Variants in ZFHX3 observed in about 807,000 individuals in gnomAD.
ZFHX3 encodes the protein zinc finger homeobox protein 3.
Under a neutral mutation model 279.1 loss-of-function variants are expected in ZFHX3, and 42 were observed. The ratio of observed to expected loss-of-function variants is 0.15; its 90% CI spans 0.12 to 0.19. The LOEUF is 0.19. Ranked by LOEUF, ZFHX3 falls within the 10% of genes least tolerant of loss-of-function variation. The pLI, the probability that ZFHX3 is intolerant of heterozygous loss-of-function variation, is 1.00. For synonymous variants in ZFHX3, 2,293 were observed against 1,957.8 expected, an observed-to-expected ratio of 1.17 and a Z score of -4.52; for missense variants, 4,981 against 4,754.0, an observed-to-expected ratio of 1.05 and a Z score of -1.40.
At chr16:72,992,606 C>A (rs545935097) in intron 1 of ZFHX3, among the ~76,000 whole-genome samples, 1 of 152,182 alleles carries the variant, frequency 6.6e-6, no homozygotes, top group African/African-American at 2.4e-5. Context: ...GGGGACTCAG[C>A]CACATTTCTC....
At chr16:73,226,050 A>G (rs543477278) in intron 5 of ZFHX3, among the ~76,000 whole-genome samples, 1 of 152,338 alleles carries the variant, frequency 6.6e-6, no homozygotes, top group Non-Finnish European at 1.5e-5. Flanking sequence ...CATAAAATAC[A>G]CGACTTAATG....
At chr16:72,944,140 C>T (rs372198674) in intron 3 of ZFHX3, among the ~76,000 whole-genome samples, 19 of 152,140 alleles carry the variant, frequency 1.2e-4, no homozygotes, top group African/African-American at 4.1e-4. Context: ...AAAAAATTAG[C>T]TGGGTGTGGT....
intron 3 of ZFHX3, among the ~76,000 whole-genome samples, chr16:73,413,063 C>T (rs1974855): frequency 6.6e-6 from 1 of 151,830 alleles, no homozygotes; most frequent in Non-Finnish European, 1.5e-5. Flanking sequence ...GTGTTGGGCA[C>T]GAAGGTGGAA....
chr16:73,322,879 GC>G (rs1226185750), intron 3 of ZFHX3, among the ~76,000 whole-genome samples: 3 of 152,208 alleles, frequency 2.0e-5, no homozygotes, highest in Non-Finnish European at 2.9e-5. Flanking sequence ...TCAGCAAACT[GC>G]AGCCTGGATA....
rs771532083 is a variant in ZFHX3, at chr16:73,127,550, C to T, written c.-897+3418G>A. On this transcript the variant is annotated intron_variant, in intron 7 of 17. Coordinates refer to the ZFHX3 transcript ENST00000641206. ...GAATGCAGAGATGGGAGGCTTTGGG[C>T]TCAGCCGAGCTGACTGGGGCACTTG... 1.1e-5 allele frequency: 15 copies of T among 1,305,440 alleles called. No homozygotes were observed. The South Asian group carries it at 1.9e-4, about 16-fold the overall frequency. 80.9% of individuals were successfully genotyped at this position (1,305,440 alleles called of 1,614,324 possible).
chr16:73,638,599 G>C (rs985625134), intron 2 of ZFHX3, among the ~76,000 whole-genome samples: 2 of 152,126 alleles, frequency 1.3e-5, no homozygotes, highest in Non-Finnish European at 2.9e-5. Flanking sequence ...CATACAGTTT[G>C]CCTTCAATAA....
At chr16:72,901,129 C>T (rs925378420) in intron 3 of ZFHX3, among the ~76,000 whole-genome samples, 145 of 152,276 alleles carry the variant, frequency 9.5e-4, no homozygotes, top group African/African-American at 3.3e-3. Flanking sequence ...CACCTGCACT[C>T]GAAAATTTCC....
At chr16:73,575,568 C>G (rs899889075) in intron 2 of ZFHX3, among the ~76,000 whole-genome samples, 1 of 152,148 alleles carries the variant, frequency 6.6e-6, no homozygotes, top group Non-Finnish European at 1.5e-5. Context: ...AGAGAAATAT[C>G]CAGGGCAACA....
At chr16:72,936,932 G>C (rs1214046983) in intron 3 of ZFHX3, among the ~76,000 whole-genome samples, 1 of 152,136 alleles carries the variant, frequency 6.6e-6, no homozygotes, top group African/African-American at 2.4e-5. Context: ...TGGTGCAAAT[G>C]TATTTTTGAA....
intron 1 of ZFHX3, among the ~76,000 whole-genome samples, chr16:73,773,477 G>C (rs1223756676): frequency 2.0e-5 from 3 of 152,230 alleles, no homozygotes; most frequent in Non-Finnish European, 4.4e-5. Context: ...CCCTGGTCCT[G>C]TCTCTGGGGA....
intron 5 of ZFHX3, among the ~76,000 whole-genome samples, chr16:73,157,555 A>C (rs1967123898): frequency 6.6e-6 from 1 of 151,476 alleles, no homozygotes; most frequent in African/African-American, 2.4e-5. Context: ...TCCTTAAAAA[A>C]GGGGGTCGAG....
chr16:73,665,785 G>C (rs1463502796), intron 2 of ZFHX3, among the ~76,000 whole-genome samples: 1 of 142,970 alleles, frequency 7.0e-6, no homozygotes, highest in Non-Finnish European at 1.5e-5. Flanking sequence ...CACATGACCA[G>C]TTTTGTGACT....
chr16:73,616,594 A>C (rs1323248856), intron 2 of ZFHX3, among the ~76,000 whole-genome samples: 1 of 151,876 alleles, frequency 6.6e-6, no homozygotes, highest in African/African-American at 2.4e-5. Flanking sequence ...TGGCCGTTGC[A>C]AAATTCAATG....
intron 2 of ZFHX3, among the ~76,000 whole-genome samples, chr16:73,534,571 A>G (rs1238168031): frequency 2.0e-5 from 3 of 152,204 alleles, no homozygotes; most frequent in Non-Finnish European, 4.4e-5. Context: ...ACACTTTTAG[A>G]ACAGTAGCTG....
At chr16:73,164,698 G>GAA (rs545221088) in intron 5 of ZFHX3, among the ~76,000 whole-genome samples, 31 of 92,656 alleles carry the variant, frequency 3.3e-4, no homozygotes, top group African/African-American at 7.1e-4. Flanking sequence ...AGACTCTGTT[G>GAA]AAAAAAAAAA....
chr16:73,715,838 C>G (rs1228004320), intron 1 of ZFHX3, among the ~76,000 whole-genome samples: 4 of 152,012 alleles, frequency 2.6e-5, no homozygotes, highest in Non-Finnish European at 5.9e-5. Flanking sequence ...TCCCAAAGTG[C>G]TGGGATTACA....
At chr16:73,057,737 G>A (rs1965590021) in intron 1 of ZFHX3, among the ~76,000 whole-genome samples, 3 of 151,548 alleles carry the variant, frequency 2.0e-5, no homozygotes, top group South Asian at 4.1e-4. Context: ...CAGTGGGGCA[G>A]GGCGGAGAGC....
intron 3 of ZFHX3, among the ~76,000 whole-genome samples, chr16:73,365,948 T>A: frequency 6.6e-6 from 1 of 151,492 alleles, no homozygotes. Flanking sequence ...AAGGGAAGAG[T>A]CCAGGAAAGG....
At chr16:72,910,189 G>T (rs147551285) in intron 3 of ZFHX3, among the ~76,000 whole-genome samples, 6 of 152,128 alleles carry the variant, frequency 3.9e-5, no homozygotes, top group Admixed American at 2.0e-4. Flanking sequence ...TGTAACTGAC[G>T]CCACTTTGAA....
Sources: allele counts gnomAD v4.1 joint callset (sites outside exome capture counted in the v4.1 genomes callset), GRCh38; gene constraint gnomAD v4.1.1; transcripts MANE v1.5; gene names NCBI Gene and HGNC (gene_info 2026-07-23, HGNC 2026-07-21).